Variants in ATP11A observed in about 807,000 individuals in gnomAD.
The protein encoded by ATP11A is ATPase phospholipid transporting 11A, also known as phospholipid-transporting ATPase IH.
A neutral mutation model predicts 154.4 loss-of-function variants in ATP11A; 81 were observed. The ratio of observed to expected loss-of-function variants is 0.52; its 90% confidence interval spans 0.44 to 0.63. The LOEUF (loss-of-function observed/expected upper bound fraction) is 0.63. ATP11A is among the 30% of genes least tolerant of loss of function. The pLI, the probability that ATP11A is intolerant of heterozygous loss-of-function variation, is 0.00. For synonymous variants in ATP11A, 623 were observed against 585.9 expected, an observed-to-expected ratio of 1.06 and a Z score of -0.91; for missense variants, 1,316 against 1,474.3, an observed-to-expected ratio of 0.89 and a Z score of 1.76.
rs1014452171 is a variant in ATP11A, at chr13:112,838,775, G to A, written c.1705+2524G>A. Among the ~76,000 whole-genome samples the A allele has an allele frequency of 2.0e-5, 3 of 152,338 alleles. No individual in the cohort carries two copies. Among genetic ancestry groups the A allele is most frequent in the African/African-American group, 7.2e-5 (3 of 41,572 alleles). ...GGAACTGAGAGCTTGCAGGAGAGACGGCCCTGCCATCTGAAGCCAGCCACT... is the reference window on the plus strand; with the variant it reads ...GGAACTGAGAGCTTGCAGGAGAGACAGCCCTGCCATCTGAAGCCAGCCACT... On this transcript the variant is annotated intron_variant, in intron 16 of 29. Coordinates refer to ENST00000375645, the MANE Select transcript of ATP11A (RefSeq NM_015205.3). This position sits in a 1 kb window ranked among gnomAD's most constrained non-coding sequence, Gnocchi z 7.3.
intron 25 of ATP11A, among the ~76,000 whole-genome samples, chr13:112,863,698 CTG>C (rs2080208862): frequency 6.7e-5 from 9 of 133,858 alleles, no homozygotes; most frequent in South Asian, 2.6e-4. Flanking sequence ...CAGTGCAGGC[CTG>C]CGCAGCTTCC....
rs118099708 is a variant in ATP11A, at chr13:112,805,243, C to T, written c.252+197C>T. 9.1e-4 allele frequency among the ~76,000 whole-genome samples: 138 copies of T among 152,328 alleles called. 1 individual carries two copies. The highest frequency in any genetic ancestry group is 1.3e-3 in the Non-Finnish European group (91 of 68,032). On this transcript the variant is annotated intron_variant, in intron 3 of 29. Transcript: ENST00000375645. ...TCCACACAAGCTAAACTACACACGA[C>T]GCTACTTTGGGTTTAAGTTGGTGAC...
At chr13:112,752,737 G>C (rs1211813627) in intron 1 of ATP11A, among the ~76,000 whole-genome samples, 1 of 152,182 alleles carries the variant, frequency 6.6e-6, no homozygotes, top group Non-Finnish European at 1.5e-5. Flanking sequence ...ATAGCAGTAG[G>C]ATGCCAAGAA....
At chr13:112,726,416 C>G (rs1889897724) in intron 1 of ATP11A, among the ~76,000 whole-genome samples, 1 of 152,238 alleles carries the variant, frequency 6.6e-6, no homozygotes, top group African/African-American at 2.4e-5. Context: ...GGGGCACCAT[C>G]TGTGTGCAGG....
At chr13:112,728,967 A>C (rs1463570258) in intron 1 of ATP11A, among the ~76,000 whole-genome samples, 1 of 152,156 alleles carries the variant, frequency 6.6e-6, no homozygotes, top group African/African-American at 2.4e-5. Context: ...TGACAAGCAA[A>C]TGCAGTGATC....
chr13:112,842,123 T>C (rs555689776), intron 16 of ATP11A, among the ~76,000 whole-genome samples, 153 bp from the exon 17 acceptor site: 168 of 152,394 alleles, frequency 1.1e-3, no homozygotes, highest in Non-Finnish European at 1.7e-3. Context: ...TATTTTTTCC[T>C]GACTGTAGCG....
intron 2 of ATP11A, among the ~76,000 whole-genome samples, chr13:112,796,994 G>A (rs933360117): frequency 3.3e-5 from 5 of 152,172 alleles, no homozygotes; most frequent in Admixed American, 2.6e-4. Context: ...AGGCACGGTG[G>A]TCACGCCTGT....
chr13:112,782,013 C>A (rs2077513141), intron 1 of ATP11A, among the ~76,000 whole-genome samples: 1 of 152,242 alleles, frequency 6.6e-6, no homozygotes, highest in Non-Finnish European at 1.5e-5. Flanking sequence ...CCAGGCAAGG[C>A]CCACTGCATG....
chr13:112,724,173 C>T (rs534096970), intron 1 of ATP11A, among the ~76,000 whole-genome samples: 177 of 141,954 alleles, frequency 1.2e-3, no homozygotes, highest in Non-Finnish European at 2.4e-3. Flanking sequence ...CCTTCTCCCC[C>T]ATCGCCCTCT....
At chr13:112,810,410 A>G (rs540457680) in intron 4 of ATP11A, among the ~76,000 whole-genome samples, 3 of 152,364 alleles carry the variant, frequency 2.0e-5, no homozygotes, top group Non-Finnish European at 4.4e-5. Context: ...ACAACTGCAG[A>G]CATTTAAAGC....
chr13:112,886,792 A>T lies in ATP11A; in HGVS notation c.*4926A>T, dbSNP rs907018084. On this transcript the variant is annotated 3_prime_UTR_variant, in exon 30 of 30. Coordinates refer to ENST00000375645, the MANE Select transcript of ATP11A (RefSeq NM_015205.3). Reference sequence around the variant, plus strand: ...CATTTAAAATGTCTGTTCATTATGTAATGTAATAAAAGAAGGTCTTCAAAA... The same window carrying T: ...CATTTAAAATGTCTGTTCATTATGTTATGTAATAAAAGAAGGTCTTCAAAA... The T allele has an allele frequency of 6.6e-6, 1 of 152,560 alleles. No individual in the cohort carries two copies. The highest frequency in any genetic ancestry group is 1.5e-5 in the Non-Finnish European group (1 of 68,046). The allele number at this position is 152,560 out of a possible 1,614,324, so 9.5% of individuals were successfully genotyped here. A position where few individuals can be genotyped will look rare whatever the true frequency, so the allele number is the denominator to read the frequency against.
chr13:112,866,862 C>T (rs1056806242), intron 25 of ATP11A, among the ~76,000 whole-genome samples: 4 of 151,992 alleles, frequency 2.6e-5, no homozygotes, highest in African/African-American at 9.7e-5. Context: ...ATCTTGAGAA[C>T]CAATTCAAAT....
At chr13:112,842,061 G>A (rs2079436993) in intron 16 of ATP11A, among the ~76,000 whole-genome samples, 1 of 152,238 alleles carries the variant, frequency 6.6e-6, no homozygotes, top group Non-Finnish European at 1.5e-5. Context: ...CTCTCCTGTG[G>A]AATTTCTAGG....
At chr13:112,749,180 C>T (rs1169972171) in intron 1 of ATP11A, among the ~76,000 whole-genome samples, 2 of 152,206 alleles carry the variant, frequency 1.3e-5, no homozygotes, top group African/African-American at 4.8e-5. Context: ...GCCTCCATCT[C>T]CGCACAGTGC....
chr13:112,845,172 T>TA (rs1390811099), intron 17 of ATP11A, among the ~76,000 whole-genome samples: 3 of 150,208 alleles, frequency 2.0e-5, no homozygotes, highest in Admixed American at 6.6e-5. Flanking sequence ...TGCCAGGCGC[T>TA]AGCAGTACTA....
rs1194359317 is a variant in ATP11A, at chr13:112,884,415, C to G, written c.*2549C>G. ...ACAACAAGTTTTAGTGTGAAAGTCA[C>G]TAAACTTTTACACACTCCCAAACGT... On this transcript the variant is annotated 3_prime_UTR_variant, in exon 30 of 30. Coordinates refer to ENST00000375645, the MANE Select transcript of ATP11A (RefSeq NM_015205.3). The G allele has an allele frequency of 2.6e-5, 4 of 152,470 alleles. No homozygotes were observed. Among genetic ancestry groups the G allele is most frequent in the African/African-American group, 9.7e-5 (4 of 41,424 alleles). 9.4% of individuals were successfully genotyped at this position (152,470 alleles called of 1,614,324 possible).
intron 1 of ATP11A, among the ~76,000 whole-genome samples, chr13:112,739,555 T>G (rs1353257252): frequency 6.6e-6 from 1 of 152,242 alleles, no homozygotes; most frequent in Non-Finnish European, 1.5e-5. Flanking sequence ...CGGAAACACT[T>G]GGCAATTCCT....
intron 5 of ATP11A, chr13:112,812,190 A>G (rs182884060): frequency 6.6e-6 from 1 of 152,366 alleles, no homozygotes; most frequent in Admixed American, 6.5e-5. Context: ...AGTCATTTGG[A>G]AGCACCTTTA....
At chr13:112,787,770 A>G (rs1015587757) in intron 2 of ATP11A, among the ~76,000 whole-genome samples, 1 of 148,264 alleles carries the variant, frequency 6.7e-6, no homozygotes, top group Admixed American at 6.8e-5. Flanking sequence ...GACCTACTTA[A>G]TTCACACCGG....
Sources: allele counts gnomAD v4.1 joint callset (sites outside exome capture counted in the v4.1 genomes callset), GRCh38; gene constraint gnomAD v4.1.1; non-coding constraint Gnocchi (gnomAD v3.1); transcripts MANE v1.5; gene names NCBI Gene and HGNC (gene_info 2026-07-23, HGNC 2026-07-21).